CSTPP1: variants seen among roughly 807,000 people sequenced by gnomAD.
CSTPP1 encodes centriolar satellite-associated tubulin polyglutamylase complex regulator 1.
chr11:46,982,812 G>A, the CSTPP1 span, among the ~76,000 whole-genome samples: 1 of 152,074 alleles, frequency 6.6e-6, no homozygotes, highest in Non-Finnish European at 1.5e-5. Context: ...AGGGGGTAAG[G>A]GGCTAATATT....
the CSTPP1 span, among the ~76,000 whole-genome samples, chr11:47,138,309 G>A: frequency 2.0e-5 from 3 of 152,108 alleles, no homozygotes; most frequent in African/African-American, 7.2e-5. Flanking sequence ...ACAGCATGGG[G>A]GAAACTGCCC....
the CSTPP1 span, chr11:47,157,170 C>T: frequency 2.9e-5 from 47 of 1,610,124 alleles, no homozygotes; most frequent in Non-Finnish European, 3.7e-5. Context: ...GTGGAGGCGT[C>T]GCTGTTCTAC....
the CSTPP1 span, among the ~76,000 whole-genome samples, chr11:47,148,210 T>C: frequency 6.6e-6 from 1 of 152,130 alleles, no homozygotes; most frequent in Non-Finnish European, 1.5e-5. Context: ...GCTGCTTCTC[T>C]CATGGCCCTG....
At chr11:46,964,146 C>A in the CSTPP1 span, among the ~76,000 whole-genome samples, 1 of 152,142 alleles carries the variant, frequency 6.6e-6, no homozygotes, top group African/African-American at 2.4e-5. Flanking sequence ...TTCACTAACT[C>A]CCCATGTTAG....
At chr11:46,960,765 C>T in the CSTPP1 span, among the ~76,000 whole-genome samples, 1 of 152,032 alleles carries the variant, frequency 6.6e-6, no homozygotes, top group Non-Finnish European at 1.5e-5. Context: ...GGCAGGAGAA[C>T]TGCTTGAATC....
chr11:47,161,296 C>A, the CSTPP1 span: 1 of 1,601,356 alleles, frequency 6.2e-7, no homozygotes, highest in South Asian at 1.1e-5. Flanking sequence ...CATCCCACAT[C>A]TGCCAGGGAA....
At chr11:46,973,073 A>T in the CSTPP1 span, among the ~76,000 whole-genome samples, 1 of 152,324 alleles carries the variant, frequency 6.6e-6, no homozygotes, top group East Asian at 1.9e-4. Context: ...GTTCAATGAG[A>T]TAATGTATGT....
chr11:47,092,083 T>C, the CSTPP1 span, among the ~76,000 whole-genome samples: 1 of 152,254 alleles, frequency 6.6e-6, no homozygotes, highest in East Asian at 1.9e-4. Context: ...TCTCCTTGTA[T>C]TTTTCCTACA....
the CSTPP1 span, chr11:47,157,894 A>G: frequency 2.5e-6 from 4 of 1,614,074 alleles, no homozygotes; most frequent in Non-Finnish European, 3.4e-6. Context: ...TGGCTCTCTC[A>G]AAGCACCGTG....
the CSTPP1 span, among the ~76,000 whole-genome samples, chr11:47,113,707 T>C: frequency 6.6e-6 from 1 of 152,212 alleles, no homozygotes; most frequent in Admixed American, 6.5e-5. Context: ...GTTTTTTTTC[T>C]TGTAAATTTG....
At chr11:47,110,943 G>A in the CSTPP1 span, among the ~76,000 whole-genome samples, 3 of 149,100 alleles carry the variant, frequency 2.0e-5, no homozygotes, top group Admixed American at 2.0e-4. Context: ...AGGCTGGAGT[G>A]CAGTGGCGCA....
the CSTPP1 span, among the ~76,000 whole-genome samples, chr11:47,075,926 CAAAAAAAAAAAAAAAAA>C: frequency 2.8e-5 from 1 of 35,824 alleles, no homozygotes; most frequent in African/African-American, 8.5e-5. Flanking sequence ...GATTCATTCT[CAAAAAAAAAAAAAAAAA>C]AAAAAAAAAG....
At chr11:47,033,974 C>T in the CSTPP1 span, among the ~76,000 whole-genome samples, 15 of 152,020 alleles carry the variant, frequency 9.9e-5, no homozygotes, top group African/African-American at 3.4e-4. Flanking sequence ...AAAAGGCAGT[C>T]CATGTTGGTG....
the CSTPP1 span, among the ~76,000 whole-genome samples, chr11:47,124,619 T>C: frequency 1.3e-5 from 2 of 152,190 alleles, no homozygotes; most frequent in Non-Finnish European, 2.9e-5. Context: ...GCCGTGATCA[T>C]TTATTTATAC....
chr11:47,062,295 A>AT, the CSTPP1 span, among the ~76,000 whole-genome samples: 1 of 152,138 alleles, frequency 6.6e-6, no homozygotes, highest in East Asian at 1.9e-4. Context: ...CAGGTGAATG[A>AT]TTTTTTTGTT....
the CSTPP1 span, among the ~76,000 whole-genome samples, chr11:46,963,426 C>G: frequency 6.6e-6 from 1 of 150,816 alleles, no homozygotes; most frequent in Non-Finnish European, 1.5e-5. Flanking sequence ...TTTAAAATCC[C>G]TTCAGTGATA....
chr11:47,066,107 T>TG, the CSTPP1 span, among the ~76,000 whole-genome samples: 14 of 141,872 alleles, frequency 9.9e-5, no homozygotes, highest in African/African-American at 2.6e-4. Flanking sequence ...TTTTTTTTTT[T>TG]TTTTTTTTTT....
the CSTPP1 span, among the ~76,000 whole-genome samples, chr11:47,085,268 A>C: frequency 6.6e-6 from 1 of 152,178 alleles, no homozygotes; most frequent in Non-Finnish European, 1.5e-5. Flanking sequence ...TTTTGTATAG[A>C]TATACCTACT....
chr11:47,031,085 T>C, the CSTPP1 span, among the ~76,000 whole-genome samples: 1 of 152,238 alleles, frequency 6.6e-6, no homozygotes, highest in Non-Finnish European at 1.5e-5. Flanking sequence ...CCCTGAGCTA[T>C]TGCCCACTTC....
Sources: allele counts gnomAD v4.1 joint callset (sites outside exome capture counted in the v4.1 genomes callset), GRCh38; gene constraint gnomAD v4.1.1; transcripts MANE v1.5; gene names NCBI Gene and HGNC (gene_info 2026-07-23, HGNC 2026-07-21).